Variants in ZBED6 observed in about 807,000 individuals in gnomAD.
The protein encoded by ZBED6 is zinc finger BED domain-containing protein 6.
A neutral mutation model predicts 58.4 loss-of-function variants in ZBED6; 40 were observed. The observed-to-expected ratio is 0.68, with a 90% confidence interval of 0.53 to 0.89. ZBED6 has a LOEUF of 0.89. Ranked by LOEUF, ZBED6 falls within the 40% of genes least tolerant of loss-of-function variation. ZBED6 has a pLI of 0.00. For synonymous variants in ZBED6, 439 were observed against 350.6 expected (o/e 1.25, Z -2.82); for missense variants, 1,057 against 1,003.9 (o/e 1.05, Z -0.71).
chr1:203,818,381 AGAAATAGGTTATAG>A (rs1488153017), intron 2 of ZBED6, among the ~76,000 whole-genome samples, 175 bp from the exon 3 acceptor site: 2 of 152,156 alleles, frequency 1.3e-5, no homozygotes, highest in Admixed American at 6.5e-5. Flanking sequence ...GGTACTGTCA[AGAAATAGGTTATAG>A]GAAATAATTT....
Position 203,819,093 on chromosome 1 carries a change from C to T in ZBED6, c.*2873+404C>T, listed in dbSNP as rs202098874. ...AAAAAAAAAAATATATATATATACA[C>T]ACACACACACACACACACACACACA... is the stretch of plus-strand genomic sequence containing the variant. On this transcript the variant is annotated intron_variant, in intron 3 of 16. Transcript: ENST00000550078. Among the ~76,000 whole-genome samples the T allele has an allele frequency of 6.9e-3, 364 of 52,724 alleles. 2 individuals carry two copies. The highest frequency in any genetic ancestry group is 0.01 in the African/African-American group (232 of 22,756). 34.6% of individuals were successfully genotyped at this position (52,724 alleles called of 152,430 possible). A position where few individuals can be genotyped will look rare whatever the true frequency, so the allele number is the denominator to read the frequency against.
chr1:203,833,646 G>C, intron 8 of ZBED6, 145 bp from the exon 9 acceptor site: 1 of 319,754 alleles, frequency 3.1e-6, no homozygotes, highest in Non-Finnish European at 5.2e-6. Context: ...TGATATAATG[G>C]CCTTCCTTAA....
At chr1:203,810,169 GGTCT>G (rs1673888627) in intron 1 of ZBED6, among the ~76,000 whole-genome samples, 1 of 150,560 alleles carries the variant, frequency 6.6e-6, no homozygotes, top group Non-Finnish European at 1.5e-5. Flanking sequence ...TAAGAGATGA[GGTCT>G]GTCTGTTGCC....
chr1:203,845,366 GA>G (rs1466834970), intron 11 of ZBED6, among the ~76,000 whole-genome samples: 6 of 152,182 alleles, frequency 3.9e-5, no homozygotes, highest in Non-Finnish European at 7.4e-5. Context: ...TGGATTGAAA[GA>G]ATTTGTGATT....
At chr1:203,820,062 C>T (rs1410380759) in intron 3 of ZBED6, among the ~76,000 whole-genome samples, 3 of 151,280 alleles carry the variant, frequency 2.0e-5, no homozygotes, top group African/African-American at 7.3e-5. Context: ...TGGTGAAAGC[C>T]CATCTCTACT....
At chr1:203,832,362 T>C (rs1682665707) in intron 8 of ZBED6, among the ~76,000 whole-genome samples, 1 of 151,578 alleles carries the variant, frequency 6.6e-6, no homozygotes, top group Admixed American at 6.6e-5. Flanking sequence ...TTCTTGGCCA[T>C]TAATTTTTTT....
rs540614202 is a variant in ZBED6 at position 203,822,709 on chromosome 1, C to T, written c.*2873+4020C>T. Among the ~76,000 whole-genome samples, 80 of 152,308 alleles carry T rather than the reference C, an allele frequency of 5.3e-4. 1 individual carries two copies. The highest frequency in any genetic ancestry group is 2.7e-3 in the South Asian group (13 of 4,828). On this transcript the variant is annotated intron_variant, in intron 3 of 16. Transcript: ENST00000550078. ...CTCAGGCTCAACACTTGTCAGGGTA[C>T]CCTTTCATGCACATGTCCTCTTAAC...
chr1:203,848,321 G>A lies in ZBED6; in HGVS notation c.*4246-10G>A. 6.2e-7 allele frequency: 1 copy of A among 1,607,236 alleles called. No homozygotes were observed. The highest frequency in any genetic ancestry group is 1.7e-4 in the Middle Eastern group (1 of 6,024). ...TAAAATAACTAATGATGTCTTTAAT[G>A]TGAATACAGGGATGAAAGAAGAGAA... On this transcript the variant is annotated splice_polypyrimidine_tract_variant and intron_variant, in intron 12 of 16. Transcript: ENST00000550078.
At chr1:203,807,515 TCTTA>T (rs1473534796) in intron 1 of ZBED6, among the ~76,000 whole-genome samples, 3 of 151,764 alleles carry the variant, frequency 2.0e-5, no homozygotes, top group African/African-American at 7.3e-5. Context: ...TTTTGTTTTG[TCTTA>T]CTGTTTTTTT....
chr1:203,847,122 A>G, intron 11 of ZBED6, 62 bp from the exon 12 acceptor site: 4 of 1,568,254 alleles, frequency 2.6e-6, no homozygotes, highest in Admixed American at 3.6e-5. Context: ...GAATAGAGAG[A>G]TCATAAGTCA....
chr1:203,831,756 C>T (rs369543345), exon 8 of ZBED6: 92 of 1,611,992 alleles, frequency 5.7e-5, no homozygotes, highest in Non-Finnish European at 7.5e-5. Context: ...GACAGTAACT[C>T]TCTCCACCAA....
At position 203,851,256 on chromosome 1, in the gene ZBED6, A is replaced by C; in HGVS notation, c.*4873+132A>C. 3.7e-6 allele frequency: 3 copies of C among 805,720 alleles called. No homozygotes were observed. The Admixed American group carries it at 8.6e-5, about 23-fold the overall frequency. The allele number at this position is 805,720 out of a possible 1,614,324, so 49.9% of individuals were successfully genotyped here. ...GTTGCACTTCAAATTAATTGCAAGAAAGTATGAAAATCTAGGGTTGCTGTT... is the reference window on the plus strand; with the variant it reads ...GTTGCACTTCAAATTAATTGCAAGACAGTATGAAAATCTAGGGTTGCTGTT... On this transcript the variant is annotated intron_variant, in intron 16 of 16. Coordinates refer to ENST00000550078, the Ensembl canonical transcript of ZBED6.
At position 203,853,046 on chromosome 1, in the gene ZBED6, A is replaced by G. The variant is rs1689601544; in HGVS notation, c.*5779A>G. ...CAATATCTAATTTATTATTACTGTA[A>G]TTTTTTAAAAGGCTTTAAAGTGCCT... On this transcript the variant is annotated 3_prime_UTR_variant, in exon 17 of 17. Transcript: ENST00000550078. 3 of 152,270 alleles carry G rather than the reference A, an allele frequency of 2.0e-5. 1 individual carries two copies. In the South Asian group the frequency reaches 6.2e-4, roughly 32 times the overall value. The allele number at this position is 152,270 out of a possible 1,614,324, so 9.4% of individuals were successfully genotyped here. A position where few individuals can be genotyped will look rare whatever the true frequency, so the allele number is the denominator to read the frequency against.
chr1:203,850,482 C>T (rs1312701927), intron 14 of ZBED6, 33 bp from the exon 15 acceptor site: 4 of 1,613,018 alleles, frequency 2.5e-6, no homozygotes, highest in Middle Eastern at 1.7e-4. Flanking sequence ...AGTCTATTCT[C>T]ACTGCTTATC....
chr1:203,811,221 T>G (rs1264779866), intron 1 of ZBED6, among the ~76,000 whole-genome samples: 1 of 151,206 alleles, frequency 6.6e-6, no homozygotes, highest in Non-Finnish European at 1.5e-5. Flanking sequence ...GGCAGGCGAC[T>G]CACTTGAACC....
At chr1:203,839,151 T>C (rs773888668) in intron 10 of ZBED6, among the ~76,000 whole-genome samples, 3 of 152,174 alleles carry the variant, frequency 2.0e-5, no homozygotes, top group Middle Eastern at 3.4e-3. Flanking sequence ...GATTTGGTAT[T>C]TTGGAAGTTG....
intron 1 of ZBED6, among the ~76,000 whole-genome samples, chr1:203,814,155 C>T (rs1572030354): frequency 6.6e-6 from 1 of 152,142 alleles, no homozygotes; most frequent in Non-Finnish European, 1.5e-5. Context: ...TCAGCTAAAA[C>T]CCAAGTTCAT....
chr1:203,832,770 G>C (rs1446698758), intron 8 of ZBED6, among the ~76,000 whole-genome samples: 1 of 152,234 alleles, frequency 6.6e-6, no homozygotes, highest in African/African-American at 2.4e-5. Context: ...AAGAAAGAGA[G>C]CTCACTTCTT....
At chr1:203,800,658 G>T in exon 1 of ZBED6, 1 of 448,896 alleles carries the variant, frequency 2.2e-6, no homozygotes, top group Non-Finnish European at 3.8e-6. Context: ...TAACTGTGGC[G>T]CTAGCACTTG....
Sources: allele counts gnomAD v4.1 joint callset (sites outside exome capture counted in the v4.1 genomes callset), GRCh38; gene constraint gnomAD v4.1.1; transcripts MANE v1.5; gene names NCBI Gene and HGNC (gene_info 2026-07-23, HGNC 2026-07-21).